Variants in UNC93B1 observed in about 807,000 individuals in gnomAD.
UNC93B1 encodes the protein protein unc-93 homolog B1.
Under a neutral mutation model 56.8 loss-of-function variants are expected in UNC93B1, and 33 were observed. That is an observed-to-expected ratio of 0.58 (90% CI 0.44 to 0.78). UNC93B1 has a LOEUF of 0.78. Ranked by LOEUF, UNC93B1 falls within the 30% of genes least tolerant of loss-of-function variation. UNC93B1 has a pLI of 0.00. For synonymous variants in UNC93B1, 334 were observed against 358.6 expected (o/e 0.93, Z 0.77); for missense variants, 673 against 819.5 (o/e 0.82, Z 2.18).
At position 68,003,216 on chromosome 11, in the gene UNC93B1, G is replaced by A; in HGVS notation, c.239-41C>T. 6.4e-7 allele frequency: 1 copy of A among 1,569,086 alleles called. No homozygotes were observed. Among genetic ancestry groups the A allele is most frequent in the Non-Finnish European group, 8.6e-7 (1 of 1,163,586 alleles). ...AGAGCGGCGTGCAGGGAGCAGCCTA[G>A]CTTTGGGCGCCACCGAGCAGAAGAC... On this transcript the variant is annotated intron_variant, in intron 2 of 10. Coordinates refer to ENST00000227471, the MANE Select transcript of UNC93B1 (RefSeq NM_030930.4). The surrounding 1 kb of genome is among the most constrained non-coding windows in gnomAD (Gnocchi z 4.4).
chr11:67,992,138 G>A (rs1296071818), intron 10 of UNC93B1, among the ~76,000 whole-genome samples: 3 of 152,264 alleles, frequency 2.0e-5, no homozygotes, highest in Non-Finnish European at 2.9e-5. Flanking sequence ...GGGTGCATGC[G>A]CCAGTGTTGA....
intron 8 of UNC93B1, among the ~76,000 whole-genome samples, chr11:67,996,159 G>C (rs1175047947): frequency 6.6e-6 from 1 of 151,214 alleles, no homozygotes; most frequent in Non-Finnish European, 1.5e-5. Context: ...CTAAGAGCCA[G>C]GGTGGGGAGA....
At position 67,991,869 on chromosome 11, in the gene UNC93B1, G is replaced by T. The variant is rs1159242484; in HGVS notation, c.1483-12C>A. 1.4e-5 allele frequency: 22 copies of T among 1,558,278 alleles called. No homozygotes were observed. The highest frequency in any genetic ancestry group is 1.8e-5 in the Non-Finnish European group (21 of 1,161,858). ...ACCGCCAGCTTAGCCTGGGCGTAAG[G>T]AGAGGGATGCCAGGGACCCGCGGCC... On this transcript the variant is annotated splice_polypyrimidine_tract_variant and intron_variant, in intron 10 of 10. Coordinates refer to ENST00000227471, the MANE Select transcript of UNC93B1 (RefSeq NM_030930.4).
chr11:67,992,536 C>T (rs1337198813), intron 10 of UNC93B1, among the ~76,000 whole-genome samples: 1 of 152,094 alleles, frequency 6.6e-6, no homozygotes, highest in African/African-American at 2.4e-5. Context: ...ACAGGGTCTC[C>T]TATGTTGCCC....
rs1857081015 is a variant in UNC93B1, at chr11:68,003,541, T to C, written c.238+116A>G. ...CGCCGCGGGGGGCCGTGGCTGCAGC[T>C]GCGAGGGCAGCGGAGGGGAAGTGAG... On this transcript the variant is annotated intron_variant, in intron 2 of 10. Transcript: ENST00000227471. This position sits in a 1 kb window ranked among gnomAD's most constrained non-coding sequence, Gnocchi z 4.4. The C allele has an allele frequency of 3.6e-6, 5 of 1,374,956 alleles. No individual in the cohort carries two copies. Among genetic ancestry groups the C allele is most frequent in the Non-Finnish European group, 4.7e-6 (5 of 1,058,382 alleles). 85.2% of individuals were successfully genotyped at this position (1,374,956 alleles called of 1,614,324 possible).
chr11:67,994,968 C>T (rs1856910432), intron 9 of UNC93B1, among the ~76,000 whole-genome samples: 3 of 152,196 alleles, frequency 2.0e-5, no homozygotes, highest in Non-Finnish European at 4.4e-5. Context: ...CTGCCTTCTG[C>T]AAACAGGGCC....
chr11:68,002,294 G>A (rs1237210160), intron 3 of UNC93B1, among the ~76,000 whole-genome samples: 1 of 152,122 alleles, frequency 6.6e-6, no homozygotes, highest in Admixed American at 6.5e-5. Flanking sequence ...GACAGCATGG[G>A]TAGCCGATTT....
intron 5 of UNC93B1, 93 bp from the exon 6 acceptor site, chr11:67,998,545 G>A: frequency 1.6e-6 from 2 of 1,241,148 alleles, no homozygotes; most frequent in Non-Finnish European, 2.3e-6. Flanking sequence ...GCACAGCCTT[G>A]GGGGAACAGG....
In UNC93B1 at chr11:68,003,605, G is replaced by A. The variant is rs535977614; in HGVS notation, c.238+52C>T. ...CGGCGGCCCGCGGTTTCTGTTTCCC[G>A]GGCCGGGCTGGGAGCGGGCGGGGCG... On this transcript the variant is annotated intron_variant, in intron 2 of 10. Transcript: ENST00000227471. The surrounding 1 kb of genome is among the most constrained non-coding windows in gnomAD (Gnocchi z 4.4). 15 of 1,484,016 alleles carry A rather than the reference G, an allele frequency of 1.0e-5. No homozygotes were observed. In the South Asian group the frequency reaches 1.9e-4, roughly 19 times the overall value. 91.9% of individuals were successfully genotyped at this position (1,484,016 alleles called of 1,614,324 possible). A position where few individuals can be genotyped will look rare whatever the true frequency, so the allele number is the denominator to read the frequency against.
At chr11:67,994,440 T>C (rs978153973) in intron 9 of UNC93B1, among the ~76,000 whole-genome samples, 2 of 152,206 alleles carry the variant, frequency 1.3e-5, no homozygotes, top group African/African-American at 4.8e-5. Context: ...GCATGGCACC[T>C]GCCAAATCAT....
In UNC93B1 at chr11:68,003,896, G is replaced by A. The variant is rs1469321949; in HGVS notation, c.96+52C>T. ...CGGCCCGCCCCGCCCCCGCCGGGGGGACCCTGGCCCACAGGGGACGCCCGC... is the reference window on the plus strand; with the variant it reads ...CGGCCCGCCCCGCCCCCGCCGGGGGAACCCTGGCCCACAGGGGACGCCCGC... On this transcript the variant is annotated intron_variant, in intron 1 of 10. Coordinates refer to ENST00000227471, the MANE Select transcript of UNC93B1 (RefSeq NM_030930.4). This position sits in a 1 kb window ranked among gnomAD's most constrained non-coding sequence, Gnocchi z 4.4. The A allele has an allele frequency of 1.5e-6, 2 of 1,294,372 alleles. No individual in the cohort carries two copies. The highest frequency in any genetic ancestry group is 1.6e-5 in the African/African-American group (1 of 64,008). 80.2% of individuals were successfully genotyped at this position (1,294,372 alleles called of 1,614,324 possible).
At chr11:68,000,420 T>C (rs1857026721) in intron 3 of UNC93B1, among the ~76,000 whole-genome samples, 1 of 152,316 alleles carries the variant, frequency 6.6e-6, no homozygotes, top group Middle Eastern at 3.4e-3. Context: ...ATTCCAGCAC[T>C]TTAGGAGGTG....
At chr11:68,002,485 T>C (rs1215191137) in intron 3 of UNC93B1, among the ~76,000 whole-genome samples, 1 of 152,160 alleles carries the variant, frequency 6.6e-6, no homozygotes, top group Non-Finnish European at 1.5e-5. Flanking sequence ...TCCACTGGTC[T>C]CCAGGTCCCA....
chr11:67,997,940 G>A (rs1856978228), intron 6 of UNC93B1, 141 bp from the exon 7 acceptor site: 6 of 1,321,630 alleles, frequency 4.5e-6, no homozygotes. Context: ...CCTTCAGAGA[G>A]CAGTTTGGAG....
rs753729841 is a variant in UNC93B1, at chr11:67,998,368, G to C, written c.772C>G (p.Gln258Glu). 1 of 1,613,964 alleles carries C rather than the reference G, an allele frequency of 6.2e-7. No homozygotes were observed. Among genetic ancestry groups the C allele is most frequent in the Non-Finnish European group, 8.5e-7 (1 of 1,179,862 alleles). Residue 258 changes from glutamine (Q) to glutamate (E), a missense_variant, in exon 6 of 11, where the codon CAG becomes GAG. This residue lies in a region of UNC93B1 where 438 missense variants were observed against 465.9 expected (regional missense o/e 0.94). Coordinates refer to ENST00000227471, the MANE Select transcript of UNC93B1 (RefSeq NM_030930.4). ...YDLNHTLYNV[Q>E]SCGTNSHGIL... The stretch of plus-strand genomic sequence containing the variant: ...CCCAACAAGGACTAACCGCAGCTCT[G>C]CACATTGTACAGCGTGTGGTTCAGG...
At chr11:67,995,571 G>GT in intron 9 of UNC93B1, 40 bp downstream of exon 9, 1 of 178,204 alleles carries the variant, frequency 5.6e-6, no homozygotes, top group Admixed American at 1.2e-4. Context: ...AAAGCCCCCT[G>GT]CCCCGCCCCC....
At chr11:68,001,269 TTAG>T (rs1857041272) in intron 3 of UNC93B1, among the ~76,000 whole-genome samples, 2 of 152,088 alleles carry the variant, frequency 1.3e-5, no homozygotes, top group African/African-American at 4.8e-5. Flanking sequence ...TTCACTGCTA[TTAG>T]TAGAAGTGAT....
rs1354326862 is a variant in UNC93B1 at position 68,003,969 on chromosome 11, G to T, written c.75C>A (p.Val25=). ...TCACCGGGGCCTCGGGCCCGTCCGG[G>T]ACCCCGAGCAGGTCCTCGTCGCCCT... The part of the protein sequence containing the change: ...GPQGDEDLLG[V]PDGPEAPLDE... The change falls in exon 1 of 11, where the codon GTC becomes GTA. Residue 25 remains valine (V), a synonymous_variant. Transcript: ENST00000227471. This position sits in a 1 kb window ranked among gnomAD's most constrained non-coding sequence, Gnocchi z 4.4. The T allele has an allele frequency of 4.9e-5, 68 of 1,396,272 alleles. No homozygotes were observed. Among genetic ancestry groups the T allele is most frequent in the East Asian group, 9.4e-5 (3 of 31,856 alleles). The allele number at this position is 1,396,272 out of a possible 1,614,324, so 86.5% of individuals were successfully genotyped here. A position where few individuals can be genotyped will look rare whatever the true frequency, so the allele number is the denominator to read the frequency against.
rs373895695 is a variant in UNC93B1 at position 67,998,336 on chromosome 11, C to T, written c.781+23G>A. ...AGTAAGCAGGCTTTGTGGACTCCTC[C>T]CCAACCCCCAACAAGGACTAACCGC... On this transcript the variant is annotated intron_variant, in intron 6 of 10. Transcript: ENST00000227471. 208 of 1,613,580 alleles carry T rather than the reference C, an allele frequency of 1.3e-4. No homozygotes were observed. In the African/African-American group the frequency reaches 2.6e-3, roughly 20 times the overall value.
Sources: gnomAD v4.1 joint callset for allele counts (sites outside exome capture counted in the v4.1 genomes callset) on GRCh38, gnomAD v4.1.1 for gene constraint, gnomAD v4.1.1 regional missense constraint, Gnocchi (gnomAD v3.1) non-coding constraint, MANE v1.5 for transcripts, NCBI Gene and HGNC (gene_info 2026-07-23, HGNC 2026-07-21) for gene names.